Variants in GRIN2B observed in about 807,000 individuals in gnomAD.
The protein encoded by GRIN2B is glutamate ionotropic receptor NMDA type subunit 2B.
In GRIN2B, 5 loss-of-function variants were observed where a neutral mutation model predicts 114.5. The ratio of observed to expected loss-of-function variants is 0.04; its 90% CI spans 0.02 to 0.09. The LOEUF (loss-of-function observed/expected upper bound fraction) is 0.09, where lower values mean the gene tolerates loss of function less well. Among genes scored for constraint, GRIN2B ranks in the 10% least tolerant of loss-of-function variants. The pLI is 1.00. For synonymous variants in GRIN2B, 787 were observed against 745.1 expected, an observed-to-expected ratio of 1.06 and a Z score of -0.92; for missense variants, 1,108 against 1,943.5, an observed-to-expected ratio of 0.57 and a Z score of 8.08.
rs772891569 is a variant in GRIN2B at position 13,921,221 on chromosome 12, AC to A, written c.-18-54996del. On this transcript the variant is annotated intron_variant, in intron 2 of 13. Transcript: ENST00000609686. ...AGATCAGCCTGGCCAATATGGTGAA[AC>A]CCCATCTCTACTAAAAATACAACAC... is the stretch of plus-strand genomic sequence containing the variant. Among the ~76,000 whole-genome samples, 6 of 152,060 alleles carry A rather than the reference AC, an allele frequency of 3.9e-5. No individual in the cohort carries two copies. In the East Asian group the frequency reaches 7.7e-4, roughly 20 times the overall value.
At chr12:13,747,272 C>T (rs1435343917) in intron 4 of GRIN2B, among the ~76,000 whole-genome samples, 1 of 152,110 alleles carries the variant, frequency 6.6e-6, no homozygotes, top group Admixed American at 6.5e-5. Flanking sequence ...AGTTTGACTT[C>T]AGGGAGAAGA....
At chr12:13,726,068 C>T (rs928321603) in intron 4 of GRIN2B, among the ~76,000 whole-genome samples, 3 of 152,110 alleles carry the variant, frequency 2.0e-5, no homozygotes, top group Non-Finnish European at 4.4e-5. Flanking sequence ...TCTTATTCCA[C>T]TGTATCCTTT....
intron 3 of GRIN2B, among the ~76,000 whole-genome samples, chr12:13,821,350 C>T (rs1439638943): frequency 1.3e-5 from 2 of 152,138 alleles, no homozygotes; most frequent in East Asian, 3.9e-4. Context: ...TTACACATAC[C>T]ATGCAGCTCA....
Position 13,761,213 on chromosome 12 carries a change from C to A in GRIN2B, c.412-7298G>T, listed in dbSNP as rs529570892. On this transcript the variant is annotated intron_variant, in intron 3 of 13. Transcript: ENST00000609686. Reference sequence around the variant, plus strand: ...ACTCTGGATAACTAAACAACTTCCGCAGAAGCCAGCATTCTTTTTATTATT... The same window carrying A: ...ACTCTGGATAACTAAACAACTTCCGAAGAAGCCAGCATTCTTTTTATTATT... Among the ~76,000 whole-genome samples, 8 of 152,320 alleles carry A rather than the reference C, an allele frequency of 5.3e-5. No homozygotes were observed. In the South Asian group the frequency reaches 1.7e-3, roughly 32 times the overall value.
At chr12:13,884,919 A>C (rs1382071301) in intron 2 of GRIN2B, among the ~76,000 whole-genome samples, 1 of 152,198 alleles carries the variant, frequency 6.6e-6, no homozygotes, top group Non-Finnish European at 1.5e-5. Context: ...GTAGAGACTT[A>C]AGAAGGGAGT....
intron 4 of GRIN2B, among the ~76,000 whole-genome samples, chr12:13,694,074 A>C (rs1336142453): frequency 1.3e-5 from 2 of 152,002 alleles, no homozygotes; most frequent in East Asian, 3.9e-4. Context: ...AGGTGCAATA[A>C]ACAGCCAAAT....
At chr12:13,890,540 G>T (rs1409185905) in intron 2 of GRIN2B, among the ~76,000 whole-genome samples, 1 of 152,156 alleles carries the variant, frequency 6.6e-6, no homozygotes, top group African/African-American at 2.4e-5. Context: ...GCAGCAATCT[G>T]GTTGGAGAAG....
At chr12:13,688,046 C>G (rs930390126) in intron 4 of GRIN2B, among the ~76,000 whole-genome samples, 4 of 152,104 alleles carry the variant, frequency 2.6e-5, no homozygotes, top group African/African-American at 9.7e-5. Context: ...ATTCTCACAT[C>G]AATGATATAA....
At chr12:13,671,294 TA>T (rs1177814240) in intron 5 of GRIN2B, among the ~76,000 whole-genome samples, 4 of 152,154 alleles carry the variant, frequency 2.6e-5, no homozygotes, top group Non-Finnish European at 5.9e-5. Flanking sequence ...CAGCCTTATG[TA>T]AAACCCTATG....
intron 4 of GRIN2B, among the ~76,000 whole-genome samples, chr12:13,694,937 T>C (rs1950247870): frequency 6.6e-6 from 1 of 151,928 alleles, no homozygotes; most frequent in South Asian, 2.1e-4. Flanking sequence ...TTTTCTTTCA[T>C]TCTTCCCTCT....
chr12:13,563,536 C>G lies in GRIN2B; in HGVS notation c.3702G>C (p.Ser1234=), dbSNP rs753797364. The G allele has an allele frequency of 1.1e-5, 17 of 1,613,986 alleles. No individual in the cohort carries two copies. Among genetic ancestry groups the G allele is most frequent in the African/African-American group, 2.7e-5 (2 of 74,902 alleles). Residue 1234 remains serine, a synonymous_variant, in exon 14 of 14, where the codon TCG becomes TCC. Transcript: ENST00000609686. Reference sequence around the variant, plus strand: ...CACACCGGATGCACGCCTGCCTGCCCGAGTTCTGACCCGTCACCGTCGTGG... The same window carrying G: ...CACACCGGATGCACGCCTGCCTGCCGGAGTTCTGACCCGTCACCGTCGTGG... ...NYSTTVTGQN[S]GRQACIRCEA...
intron 2 of GRIN2B, among the ~76,000 whole-genome samples, chr12:13,899,115 C>A (rs980040077): frequency 2.0e-5 from 3 of 152,060 alleles, no homozygotes; most frequent in Non-Finnish European, 4.4e-5. Flanking sequence ...AAATTTAGAA[C>A]CTAACACTGT....
chr12:13,644,696 T>C (rs755337312), intron 5 of GRIN2B, among the ~76,000 whole-genome samples: 1 of 152,186 alleles, frequency 6.6e-6, no homozygotes, highest in Non-Finnish European at 1.5e-5. Flanking sequence ...TCATCAATGA[T>C]CTTAGCTAGA....
chr12:13,871,728 A>T (rs1025616303), intron 2 of GRIN2B, among the ~76,000 whole-genome samples: 1 of 151,908 alleles, frequency 6.6e-6, no homozygotes, highest in African/African-American at 2.4e-5. Context: ...AATCAAAAAA[A>T]AAAAGGAGAG....
At chr12:13,822,219 T>C (rs1380011349) in intron 3 of GRIN2B, among the ~76,000 whole-genome samples, 2 of 152,170 alleles carry the variant, frequency 1.3e-5, no homozygotes, top group Non-Finnish European at 2.9e-5. Context: ...ACACTTTTAA[T>C]ATATTTGGTT....
intron 4 of GRIN2B, among the ~76,000 whole-genome samples, chr12:13,741,298 G>C (rs921311903): frequency 3.9e-5 from 6 of 152,084 alleles, no homozygotes; most frequent in African/African-American, 1.4e-4. Flanking sequence ...CCAAAGTGCT[G>C]GGATTACAGG....
chr12:13,790,122 C>G (rs1864295040), intron 3 of GRIN2B, among the ~76,000 whole-genome samples: 1 of 152,212 alleles, frequency 6.6e-6, no homozygotes, highest in South Asian at 2.1e-4. Context: ...CAGTACAGGC[C>G]TGGATTAATC....
At chr12:13,759,956 G>T (rs1863648077) in intron 3 of GRIN2B, among the ~76,000 whole-genome samples, 1 of 152,028 alleles carries the variant, frequency 6.6e-6, no homozygotes. Context: ...TATTTCCCCT[G>T]CCTGAAACAC....
intron 2 of GRIN2B, among the ~76,000 whole-genome samples, chr12:13,968,455 G>T (rs1401939855): frequency 6.6e-6 from 1 of 152,166 alleles, no homozygotes; most frequent in East Asian, 1.9e-4. Context: ...CAGCAAGGTT[G>T]TATAGTTTGC....
Sources: allele counts gnomAD v4.1 joint callset (sites outside exome capture counted in the v4.1 genomes callset), GRCh38; gene constraint gnomAD v4.1.1; transcripts MANE v1.5; gene names NCBI Gene and HGNC (gene_info 2026-07-23, HGNC 2026-07-21).